C1S: variants seen among roughly 807,000 people sequenced by gnomAD.
C1S encodes complement C1s subcomponent.
A neutral mutation model predicts 54.0 loss-of-function variants in C1S; 31 were observed. That is an observed-to-expected ratio of 0.57 (90% CI 0.43 to 0.78). The LOEUF is 0.78. Among genes scored for constraint, C1S ranks in the 30% least tolerant of loss-of-function variants. The pLI is 0.00. For missense variants in C1S, 727 were observed against 851.8 expected (o/e 0.85, Z 1.82); for synonymous variants, 292 against 303.6 (o/e 0.96, Z 0.40).
chr12:7,068,051 C>G (rs2135727483), intron 10 of C1S, among the ~76,000 whole-genome samples: 1 of 152,322 alleles, frequency 6.6e-6, no homozygotes, highest in South Asian at 2.1e-4. Flanking sequence ...CACCTTTTGA[C>G]CAGTTATTTC....
intron 3 of C1S, 63 bp from the exon 4 acceptor site, chr12:7,062,827 C>G (rs2135721414): frequency 6.3e-7 from 1 of 1,581,772 alleles, no homozygotes; most frequent in East Asian, 2.2e-5. Flanking sequence ...TCTGTCCCTT[C>G]TTTTAACTCC....
At chr12:7,067,315 CT>C in intron 9 of C1S, 198 bp downstream of exon 9, 1 of 646,886 alleles carries the variant, frequency 1.5e-6, no homozygotes. Flanking sequence ...CGGCATGTTT[CT>C]TTCCAAGAAA....
chr12:7,066,060 G>C, intron 7 of C1S, 90 bp downstream of exon 7: 1 of 1,168,332 alleles, frequency 8.6e-7, no homozygotes, highest in Non-Finnish European at 1.3e-6. Flanking sequence ...CAGGCACACT[G>C]GAAGCACCTG....
At chr12:7,064,937 C>A (rs7968584) in intron 5 of C1S, among the ~76,000 whole-genome samples, 163 bp from the exon 6 acceptor site, 1 of 151,980 alleles carries the variant, frequency 6.6e-6, no homozygotes, top group African/African-American at 2.4e-5. Context: ...CCTACTGATA[C>A]GTATTGCACG....
rs1555161952 is a variant in C1S at position 7,065,234 on chromosome 12, T to A, written c.652T>A (p.Leu218Met). 1 of 1,614,152 alleles carries A rather than the reference T, an allele frequency of 6.2e-7. No individual in the cohort carries two copies. Among genetic ancestry groups the A allele is most frequent in the East Asian group, 2.2e-5 (1 of 44,884 alleles). Residue 218 changes from leucine to methionine, a missense_variant, in exon 6 of 12, where the codon TTG (leucine) becomes ATG (methionine). Coordinates refer to ENST00000360817, the MANE Select transcript of C1S (RefSeq NM_001734.5). Reference sequence around the variant, plus strand: ...GAAAGGGTTCCAAGTGGTGGTGACCTTGCGGAGAGAAGATTTTGATGTGGA... The same window carrying A: ...GAAAGGGTTCCAAGTGGTGGTGACCATGCGGAGAGAAGATTTTGATGTGGA... ...LEKGFQVVVT[L>M]RREDFDVEAA...
At position 7,060,737 on chromosome 12, in the gene C1S, G is replaced by A. The variant is rs1947077057; in HGVS notation, c.-215G>A. 6.6e-6 allele frequency: 1 copy of A among 152,326 alleles called. No individual in the cohort carries two copies. Among genetic ancestry groups the A allele is most frequent in the Admixed American group, 6.5e-5 (1 of 15,278 alleles). The allele number at this position is 152,326 out of a possible 1,614,324, so 9.4% of individuals were successfully genotyped here. ...TAGGGAATCTTATGAACAGAACCAG[G>A]ACAGGGAGGCTGGCCGGAGGTTCCT... On this transcript the variant is annotated 5_prime_UTR_variant, in exon 1 of 12. Transcript: ENST00000360817.
In C1S at chr12:7,068,446, G is replaced by A. The variant is rs1937736998; in HGVS notation, c.1196-10G>A. Reference sequence around the variant, plus strand: ...GGTGAGTGTGGCCTGTGTTCTCTGTGCTATTCCAGGGGAGTATCACTGTGC... The same window carrying A: ...GGTGAGTGTGGCCTGTGTTCTCTGTACTATTCCAGGGGAGTATCACTGTGC... On this transcript the variant is annotated splice_polypyrimidine_tract_variant and intron_variant, in intron 10 of 11. Coordinates refer to ENST00000360817, the MANE Select transcript of C1S (RefSeq NM_001734.5). 3 of 1,606,070 alleles carry A rather than the reference G, an allele frequency of 1.9e-6. No individual in the cohort carries two copies. Among genetic ancestry groups the A allele is most frequent in the Non-Finnish European group, 2.6e-6 (3 of 1,172,664 alleles).
chr12:7,070,148 G>A lies in C1S; in HGVS notation c.1564G>A (p.Gly522Arg), dbSNP rs782782907. Residue 522 changes from glycine (G) to arginine (R), a missense_variant, in exon 12 of 12, where the codon GGA (glycine) becomes AGA (arginine). Coordinates refer to ENST00000360817, the MANE Select transcript of C1S (RefSeq NM_001734.5). This position sits in a 1 kb window ranked among gnomAD's most constrained non-coding sequence, Gnocchi z 4.9. ...PGWKLLEVPE[G>R]RTNFDNDIAL... ...ATGGAAGCTGCTGGAAGTCCCAGAAGGACGAACCAATTTTGATAATGACAT... is the reference window on the plus strand; with the variant it reads ...ATGGAAGCTGCTGGAAGTCCCAGAAAGACGAACCAATTTTGATAATGACAT... The A allele has an allele frequency of 6.2e-6, 10 of 1,614,184 alleles. No individual in the cohort carries two copies. The South Asian group carries it at 1.1e-4, about 18-fold the overall frequency.
At chr12:7,064,746 A>G (rs188381545) in intron 5 of C1S, among the ~76,000 whole-genome samples, 19 of 152,208 alleles carry the variant, frequency 1.2e-4, no homozygotes, top group African/African-American at 4.3e-4. Flanking sequence ...ATTGGCATCT[A>G]TTCTTAGTTA....
rs782450565 is a variant in C1S, at chr12:7,064,290, G to A, written c.415G>A (p.Val139Ile). ...AGACATAAATGAATGCACAGATTTT[G>A]TAGATGTCCCTTGTAGCCACTTCTG... Reference protein sequence around the residue: ...ATDINECTDFVDVPCSHFCNN... With the variant: ...ATDINECTDFIDVPCSHFCNN... Residue 139 changes from valine (V) to isoleucine (I), a missense_variant, in exon 5 of 12, where the codon GTA becomes ATA. Physicochemically the swap from Val to Ile is conservative, Grantham distance 29. Around this residue, in one of 3 missense-constraint regions of C1S, gnomAD observed 357 missense variants for 365.4 expected, o/e 0.98. Transcript: ENST00000360817. The A allele has an allele frequency of 4.3e-6, 7 of 1,614,034 alleles. No homozygotes were observed. In the Admixed American group the frequency reaches 5.0e-5, roughly 12 times the overall value.
intron 1 of C1S, chr12:7,061,457 G>A (rs782579207): frequency 6.3e-6 from 2 of 316,554 alleles, no homozygotes; most frequent in Admixed American, 4.2e-5. Flanking sequence ...TGATCATGAT[G>A]CGCCAAGACT....
At chr12:7,068,153 T>C (rs1555162599) in intron 10 of C1S, among the ~76,000 whole-genome samples, 1 of 152,198 alleles carries the variant, frequency 6.6e-6, no homozygotes, top group Non-Finnish European at 1.5e-5. Flanking sequence ...TCATGCTAGG[T>C]GCAGGGCTGA....
intron 2 of C1S, 150 bp from the exon 3 acceptor site, chr12:7,062,325 G>A: frequency 1.4e-6 from 1 of 700,028 alleles, no homozygotes; most frequent in Non-Finnish European, 2.6e-6. Context: ...TTTGACCTGG[G>A]CCTTTTCTTT....
At chr12:7,067,344 C>G (rs782017504) in intron 9 of C1S, 54 of 628,614 alleles carry the variant, frequency 8.6e-5, no homozygotes, top group Non-Finnish European at 1.5e-4. Flanking sequence ...TGGGATAGGT[C>G]GAGTTAGTAG....
Position 7,066,922 on chromosome 12 carries a change from C to T in C1S, c.988-117C>T, listed in dbSNP as rs1937681496. ...TGCTTTAGGTCTGCTAAGATGTTCC[C>T]AAGCTTCTTGTGGTGAGGACTCCTC... is the stretch of plus-strand genomic sequence containing the variant. On this transcript the variant is annotated intron_variant, in intron 8 of 11. Transcript: ENST00000360817. The T allele has an allele frequency of 6.2e-6, 5 of 804,134 alleles. No individual in the cohort carries two copies. In the Admixed American group the frequency reaches 9.5e-5, roughly 15 times the overall value. The allele number at this position is 804,134 out of a possible 1,614,324, so 49.8% of individuals were successfully genotyped here.
intron 1 of C1S, 111 bp from the exon 2 acceptor site, chr12:7,061,728 G>T: frequency 1.4e-6 from 1 of 703,814 alleles, no homozygotes. Flanking sequence ...TGGTGATATG[G>T]CCCTGTGTGT....
At chr12:7,065,490 G>A in intron 6 of C1S, 191 bp downstream of exon 6, 1 of 689,090 alleles carries the variant, frequency 1.5e-6, no homozygotes, top group South Asian at 1.5e-5. Flanking sequence ...TGAGTAGCTG[G>A]GCCCACAGAC....
chr12:7,060,963 G>C (rs376338541), intron 1 of C1S, 86 bp downstream of exon 1: 1 of 152,414 alleles, frequency 6.6e-6, no homozygotes, highest in East Asian at 1.9e-4. Context: ...TTGGGGCAAT[G>C]ATAGAGGGCT....
chr12:7,062,666 C>T lies in C1S; in HGVS notation c.197C>T (p.Ala66Val), dbSNP rs1255497466. 1.2e-6 allele frequency: 2 copies of T among 1,613,428 alleles called. No individual in the cohort carries two copies. The highest frequency in any genetic ancestry group is 8.5e-7 in the Non-Finnish European group (1 of 1,179,536). ...GACATTGAGCTGTCAGAGAACTGTG[C>T]GTATGACTCAGTGCAGGTATGTTAT... Reference protein sequence around the residue: ...HLDIELSENCAYDSVQIISGD... With the variant: ...HLDIELSENCVYDSVQIISGD... The change falls in exon 3 of 12, where the codon GCG becomes GTG. Residue 66 changes from alanine (A) to valine (V), a missense_variant. Around this residue, in one of 3 missense-constraint regions of C1S, gnomAD observed 357 missense variants for 365.4 expected, o/e 0.98. Coordinates refer to ENST00000360817, the MANE Select transcript of C1S (RefSeq NM_001734.5).
Sources: gnomAD v4.1 joint callset for allele counts (sites outside exome capture counted in the v4.1 genomes callset) on GRCh38, gnomAD v4.1.1 for gene constraint, gnomAD v4.1.1 regional missense constraint, Gnocchi (gnomAD v3.1) non-coding constraint, MANE v1.5 for transcripts, NCBI Gene and HGNC (gene_info 2026-07-23, HGNC 2026-07-21) for gene names.